The following GPHN variants were observed in gnomAD, a reference collection of about 807,000 sequenced individuals.
GPHN encodes gephyrin.
In GPHN, 17 loss-of-function variants were observed where a neutral mutation model predicts 95.5. The ratio of observed to expected loss-of-function variants is 0.18; its 90% CI spans 0.12 to 0.27. The LOEUF (loss-of-function observed/expected upper bound fraction) is 0.27, where lower values mean the gene tolerates loss of function less well. Among genes scored for constraint, GPHN ranks in the 10% least tolerant of loss-of-function variants. The pLI, the probability that GPHN is intolerant of heterozygous loss-of-function variation, is 1.00. For missense variants in GPHN, 660 were observed against 978.1 expected (o/e 0.67, Z 4.34); for synonymous variants, 320 against 322.5 (o/e 0.99, Z 0.08).
chr14:66,749,831 AG>A (rs1416623002), intron 2 of GPHN, among the ~76,000 whole-genome samples: 1 of 151,104 alleles, frequency 6.6e-6, no homozygotes, highest in Non-Finnish European at 1.5e-5. Context: ...TTTACAAAGC[AG>A]GGTTTTTTTT....
intron 1 of GPHN, among the ~76,000 whole-genome samples, chr14:66,578,963 A>G (rs2061030898): frequency 6.6e-6 from 1 of 151,888 alleles, no homozygotes. Flanking sequence ...GTGTAAATCA[A>G]TTATATCTTT....
chr14:67,099,763 A>G (rs1416441196), intron 12 of GPHN, among the ~76,000 whole-genome samples: 2 of 152,162 alleles, frequency 1.3e-5, no homozygotes, highest in African/African-American at 4.8e-5. Flanking sequence ...ATAGCTACAT[A>G]AACGAGCAAT....
At chr14:67,727,424 C>T in the GPHN span, 1 of 496,682 alleles carries the variant, frequency 2.0e-6, no homozygotes, top group African/African-American at 1.9e-5. Context: ...CATCTTATCT[C>T]TTATCTCATT....
intron 2 of GPHN, among the ~76,000 whole-genome samples, chr14:66,741,626 A>G (rs2072799807): frequency 1.3e-5 from 2 of 152,214 alleles, no homozygotes; most frequent in Non-Finnish European, 2.9e-5. Context: ...GTTACATCAT[A>G]TATATTTTAT....
intron 4 of GPHN, among the ~76,000 whole-genome samples, chr14:66,867,808 A>T (rs1306127509): frequency 6.6e-6 from 1 of 152,254 alleles, no homozygotes; most frequent in Non-Finnish European, 1.5e-5. Context: ...TTATAAAGAT[A>T]AGACCAAATG....
At chr14:66,696,232 G>T (rs754066945) in intron 2 of GPHN, among the ~76,000 whole-genome samples, 1 of 152,164 alleles carries the variant, frequency 6.6e-6, no homozygotes, top group Non-Finnish European at 1.5e-5. Context: ...AACCATAAAA[G>T]AGTAATCCTC....
chr14:67,195,713 TTGTGTGTGTG>T, the GPHN span, among the ~76,000 whole-genome samples: 135 of 143,336 alleles, frequency 9.4e-4, no homozygotes, highest in Middle Eastern at 7.1e-3. Context: ...TTCTTTTTGG[TTGTGTGTGTG>T]TGTGTGTGTG....
chr14:67,373,956 A>G, the GPHN span, among the ~76,000 whole-genome samples: 46 of 152,248 alleles, frequency 3.0e-4, no homozygotes, highest in South Asian at 8.1e-3. Context: ...AAAGGAAGAA[A>G]TAGGGGAAAG....
chr14:67,471,001 G>C, the GPHN span: 1 of 152,196 alleles, frequency 6.6e-6, no homozygotes, highest in Non-Finnish European at 1.5e-5. Context: ...TCCCTGGTGA[G>C]ATCTGAACCT....
intron 1 of GPHN, among the ~76,000 whole-genome samples, chr14:66,638,419 AG>A (rs1260432390): frequency 6.6e-6 from 1 of 151,960 alleles, no homozygotes; most frequent in African/African-American, 2.4e-5. Flanking sequence ...GGGGGATAAG[AG>A]GGAAACACTA....
chr14:67,296,442 T>C, the GPHN span, among the ~76,000 whole-genome samples: 1 of 151,360 alleles, frequency 6.6e-6, no homozygotes, highest in Non-Finnish European at 1.5e-5. Flanking sequence ...CTACTAAAAA[T>C]ACAAAAAAAT....
At chr14:67,656,523 T>C in the GPHN span, 1 of 1,613,972 alleles carries the variant, frequency 6.2e-7, no homozygotes, top group Non-Finnish European at 8.5e-7. Context: ...CGTTCAATAC[T>C]TTGGGTGGCC....
At chr14:66,795,180 T>C (rs1393858477) in intron 3 of GPHN, among the ~76,000 whole-genome samples, 1 of 152,224 alleles carries the variant, frequency 6.6e-6, no homozygotes, top group Non-Finnish European at 1.5e-5. Flanking sequence ...ATTGACACTT[T>C]TAACATTCTG....
At position 67,065,662 on chromosome 14, in the gene GPHN, T is replaced by G. The variant is rs548095856; in HGVS notation, c.1144+6876T>G. ...GAATAGTTAGCTCTTCCTGCTGCAT[T>G]GATCCCTTTACCATTATATAATGGC... On this transcript the variant is annotated intron_variant, in intron 11 of 22. Coordinates refer to ENST00000478722, the MANE Select transcript of GPHN (RefSeq NM_020806.5). Among the ~76,000 whole-genome samples the G allele has an allele frequency of 1.1e-4, 17 of 152,328 alleles. No homozygotes were observed. The South Asian group carries it at 3.5e-3, about 32-fold the overall frequency.
intron 1 of GPHN, among the ~76,000 whole-genome samples, chr14:66,534,890 C>T (rs2059082706): frequency 6.6e-6 from 1 of 151,974 alleles, no homozygotes; most frequent in South Asian, 2.1e-4. Context: ...AATATGAGAC[C>T]TTTGCATGGC....
At chr14:66,653,066 T>TA (rs1170569558) in intron 1 of GPHN, among the ~76,000 whole-genome samples, 3 of 152,140 alleles carry the variant, frequency 2.0e-5, no homozygotes, top group Admixed American at 1.3e-4. Flanking sequence ...TTCCTTCACT[T>TA]ACACCTTTCT....
intron 17 of GPHN, among the ~76,000 whole-genome samples, chr14:67,135,489 G>A (rs1159992936): frequency 1.3e-5 from 2 of 152,132 alleles, no homozygotes; most frequent in East Asian, 3.8e-4. Context: ...AGGGTTGTAT[G>A]GCTTGAAGAG....
chr14:66,591,264 C>G (rs1166045625), intron 1 of GPHN, among the ~76,000 whole-genome samples: 3 of 152,180 alleles, frequency 2.0e-5, no homozygotes, highest in African/African-American at 4.8e-5. Flanking sequence ...GATGCCCTCT[C>G]TCACCACTCC....
the GPHN span, among the ~76,000 whole-genome samples, chr14:67,693,949 C>T: frequency 3.9e-5 from 6 of 152,286 alleles, no homozygotes; most frequent in South Asian, 1.0e-3. Context: ...CCAAGCCCAG[C>T]CTAGAGTGCT....
Sources: gnomAD v4.1 joint callset for allele counts (sites outside exome capture counted in the v4.1 genomes callset) on GRCh38, gnomAD v4.1.1 for gene constraint, MANE v1.5 for transcripts, NCBI Gene and HGNC (gene_info 2026-07-23, HGNC 2026-07-21) for gene names.